Variants in CATSPERE observed in about 807,000 individuals in gnomAD.
CATSPERE encodes the protein cation channel sperm-associated auxiliary subunit epsilon.
CATSPERE carries 93 observed loss-of-function variants against 114.1 expected under a neutral mutation model. The ratio of observed to expected loss-of-function variants is 0.81; its 90% CI spans 0.69 to 0.97. CATSPERE has a LOEUF of 0.97. CATSPERE is among the 50% of genes least tolerant of loss of function. The pLI is 0.00. For missense variants in CATSPERE, 1,058 were observed against 1,131.6 expected, an observed-to-expected ratio of 0.93 and a Z score of 0.93; for synonymous variants, 341 against 384.1, an observed-to-expected ratio of 0.89 and a Z score of 1.31.
intron 18 of CATSPERE, among the ~76,000 whole-genome samples, chr1:244,606,875 TACAGGCGTGAGCCACCGTGACTGGC>T: frequency 6.6e-6 from 1 of 152,274 alleles, no homozygotes; most frequent in East Asian, 1.9e-4. Flanking sequence ...GTACTGGGGT[TACAGGCGTGAGCCACCGTGACTGGC>T]AATTGTCTTT....
chr1:244,512,451 T>A (rs3003295), intron 7 of CATSPERE, among the ~76,000 whole-genome samples: 25,359 of 152,108 alleles, frequency 0.17, 2,308 homozygotes, highest in African/African-American at 0.23. Context: ...TGATTTCCTA[T>A]TTTCTTTGTG....
chr1:244,490,264 G>A (rs565796287), intron 5 of CATSPERE, among the ~76,000 whole-genome samples, 183 bp from the exon 6 acceptor site: 30 of 152,226 alleles, frequency 2.0e-4, no homozygotes, highest in African/African-American at 6.0e-4. Context: ...AATCAGTAAC[G>A]ATATTGATAA....
chr1:244,541,589 G>A (rs1315378937), intron 8 of CATSPERE, among the ~76,000 whole-genome samples: 3 of 132,490 alleles, frequency 2.3e-5, no homozygotes, highest in Non-Finnish European at 4.8e-5. Flanking sequence ...CATTGTGGAA[G>A]TCAGTGTGGC....
intron 8 of CATSPERE, among the ~76,000 whole-genome samples, chr1:244,519,341 G>A (rs1295369943): frequency 1.3e-5 from 2 of 152,142 alleles, no homozygotes; most frequent in Non-Finnish European, 2.9e-5. Context: ...CTGCATTATT[G>A]AAAAGAAGTA....
In CATSPERE at chr1:244,461,514, A is replaced by T; in HGVS notation, c.65+20A>T. On this transcript the variant is annotated intron_variant, in intron 1 of 21. Coordinates refer to ENST00000366534, the MANE Select transcript of CATSPERE (RefSeq NM_001130957.2). ...TTGGAGGTAGAGAGACGCCAGTCGC[A>T]GGCGAGCGACTAGGCGGGGATTACC... The T allele has an allele frequency of 7.7e-7, 1 of 1,294,658 alleles. No homozygotes were observed. The highest frequency in any genetic ancestry group is 3.0e-5 in the East Asian group (1 of 33,074). The allele number at this position is 1,294,658 out of a possible 1,614,324, so 80.2% of individuals were successfully genotyped here.
chr1:244,498,928 G>T, intron 6 of CATSPERE, 74 bp from the exon 7 acceptor site: 1 of 1,081,224 alleles, frequency 9.2e-7, no homozygotes, highest in Non-Finnish European at 1.4e-6. Flanking sequence ...ACATGTTTAT[G>T]GTTATGTTTT....
chr1:244,543,188 G>A (rs113711355), intron 8 of CATSPERE, among the ~76,000 whole-genome samples: 7 of 152,078 alleles, frequency 4.6e-5, no homozygotes, highest in Admixed American at 6.6e-5. Context: ...CTGCATTCCC[G>A]TGTTCACTGA....
At chr1:244,484,363 G>A (rs1289696020) in intron 5 of CATSPERE, among the ~76,000 whole-genome samples, 2 of 152,038 alleles carry the variant, frequency 1.3e-5, no homozygotes, top group Non-Finnish European at 2.9e-5. Flanking sequence ...AAAAGACTCC[G>A]AATAGCCAAC....
intron 17 of CATSPERE, among the ~76,000 whole-genome samples, chr1:244,602,748 T>G (rs1193954791): frequency 6.6e-6 from 1 of 152,168 alleles, no homozygotes; most frequent in East Asian, 1.9e-4. Flanking sequence ...TTTGTTACCC[T>G]GCAGGGAGTT....
At chr1:244,491,971 A>C (rs912670598) in intron 6 of CATSPERE, among the ~76,000 whole-genome samples, 4 of 152,158 alleles carry the variant, frequency 2.6e-5, no homozygotes, top group African/African-American at 4.8e-5. Context: ...CAACCAAAAA[A>C]AGTCCAGGAC....
intron 8 of CATSPERE, among the ~76,000 whole-genome samples, chr1:244,546,766 A>T (rs957544143): frequency 6.6e-6 from 1 of 152,214 alleles, no homozygotes; most frequent in African/African-American, 2.4e-5. Context: ...CTGAAGACAG[A>T]TTACTTGAAA....
rs545950159 is a variant in CATSPERE at position 244,560,633 on chromosome 1, G to A, written c.1030-35G>A. The A allele has an allele frequency of 6.4e-6, 8 of 1,244,958 alleles. No individual in the cohort carries two copies. The East Asian group carries it at 8.2e-5, about 13-fold the overall frequency. 77.1% of individuals were successfully genotyped at this position (1,244,958 alleles called of 1,614,324 possible). On this transcript the variant is annotated intron_variant, in intron 9 of 21. Coordinates refer to ENST00000366534, the MANE Select transcript of CATSPERE (RefSeq NM_001130957.2). ...AATTGTTAGGCCCGTCTCTAAAATC[G>A]AAGATCTTTCTCATCATTTTTCATT...
intron 10 of CATSPERE, among the ~76,000 whole-genome samples, chr1:244,570,906 T>C (rs905266443): frequency 2.0e-5 from 3 of 152,124 alleles, no homozygotes; most frequent in Admixed American, 1.3e-4. Context: ...CATGGCAAGT[T>C]TGGGGAACTG....
At chr1:244,617,245 G>C (rs1027683692) in intron 19 of CATSPERE, among the ~76,000 whole-genome samples, 1 of 152,014 alleles carries the variant, frequency 6.6e-6, no homozygotes, top group Non-Finnish European at 1.5e-5. Flanking sequence ...AGCATCTTTG[G>C]AACATTTTGT....
chr1:244,467,732 T>C (rs1667822067), intron 2 of CATSPERE, among the ~76,000 whole-genome samples: 1 of 152,196 alleles, frequency 6.6e-6, no homozygotes, highest in Admixed American at 6.5e-5. Context: ...GATAAATGCA[T>C]TTCTGTGTAT....
At position 244,518,620 on chromosome 1, in the gene CATSPERE, C is replaced by A; in HGVS notation, c.458C>A (p.Ala153Asp). The change falls in exon 8 of 22, where the codon GCC (alanine) becomes GAC (aspartate). Residue 153 changes from alanine to aspartate, a missense_variant. Ala to Asp is a moderately radical substitution (Grantham distance 126). This residue lies in a region of CATSPERE where 271 missense variants were observed against 225.9 expected (regional missense o/e 1.20). Transcript: ENST00000366534. ...INSIVLSTQMATLGQKPVIHT... is the reference protein window; with the variant it reads ...INSIVLSTQMDTLGQKPVIHT... The stretch of plus-strand genomic sequence containing the variant: ...TCCATAGTACTCAGCACACAGATGG[C>A]CACATTGGGACAGAAGCCTGTCATA... 4 of 1,597,978 alleles carry A rather than the reference C, an allele frequency of 2.5e-6. No individual in the cohort carries two copies. The highest frequency in any genetic ancestry group is 2.6e-6 in the Non-Finnish European group (3 of 1,167,924).
In CATSPERE at chr1:244,593,564, A is replaced by G. The variant is rs1667997546; in HGVS notation, c.2289A>G (p.Gln763=). The G allele has an allele frequency of 2.5e-6, 4 of 1,613,362 alleles. No individual in the cohort carries two copies. The East Asian group carries it at 8.9e-5, about 36-fold the overall frequency. ...GGCTTGACTTCACAGAAAAGTTTCA[A>G]CCTGTGGTTCAACTGTAAGTATATT... ...PLRLDFTEKF[Q]PVVQLFDDNG... Residue 763 remains glutamine, a synonymous_variant, in exon 17 of 22, where the codon CAA becomes CAG. Coordinates refer to ENST00000366534, the MANE Select transcript of CATSPERE (RefSeq NM_001130957.2).
At position 244,491,131 on chromosome 1, in the gene CATSPERE, A is replaced by G. The variant is rs561612751; in HGVS notation, c.351+660A>G. On this transcript the variant is annotated intron_variant, in intron 6 of 21. Coordinates refer to ENST00000366534, the MANE Select transcript of CATSPERE (RefSeq NM_001130957.2). ...CTACAGAACTCTCCACCACAAATCA[A>G]CAGAATATACATTTTTTTCAGCACC... Among the ~76,000 whole-genome samples, 187 of 152,214 alleles carry G rather than the reference A, an allele frequency of 1.2e-3. 2 individuals carry two copies. The highest frequency in any genetic ancestry group is 4.4e-3 in the African/African-American group (182 of 41,522).
intron 8 of CATSPERE, among the ~76,000 whole-genome samples, chr1:244,546,520 T>G (rs1359805169): frequency 6.6e-6 from 1 of 152,198 alleles, no homozygotes; most frequent in East Asian, 1.9e-4. Context: ...GTATGAACTG[T>G]CTGACAAATA....
Sources: gnomAD v4.1 joint callset for allele counts (sites outside exome capture counted in the v4.1 genomes callset) on GRCh38, gnomAD v4.1.1 for gene constraint, gnomAD v4.1.1 regional missense constraint, MANE v1.5 for transcripts, NCBI Gene and HGNC (gene_info 2026-07-23, HGNC 2026-07-21) for gene names.